The following MAGI2 variants were observed in gnomAD, a reference collection of about 807,000 sequenced individuals.
MAGI2 encodes the protein membrane-associated guanylate kinase, WW and PDZ domain-containing protein 2.
In MAGI2, 35 loss-of-function variants were observed where a neutral mutation model predicts 133.3. That is an observed-to-expected ratio of 0.26 (90% CI 0.20 to 0.35). The LOEUF is 0.35. MAGI2 is among the 10% of genes least tolerant of loss of function. The probability of loss-of-function intolerance (pLI) is 1.00; values close to 1 mark genes in which losing one functional copy is unlikely to be tolerated. For synonymous variants in MAGI2, 729 were observed against 710.6 expected, an observed-to-expected ratio of 1.03 and a Z score of -0.41; for missense variants, 1,636 against 1,863.4, an observed-to-expected ratio of 0.88 and a Z score of 2.25.
chr7:78,946,290 A>G (rs751081494), intron 2 of MAGI2, among the ~76,000 whole-genome samples: 2 of 152,168 alleles, frequency 1.3e-5, no homozygotes, highest in Admixed American at 6.6e-5. Context: ...CTTTCTTCCT[A>G]GATAGTTAAT....
rs369099551 is a variant in MAGI2, at chr7:78,104,506, G to T, written c.3567+21188C>A. On this transcript the variant is annotated intron_variant, in intron 20 of 21. Transcript: ENST00000354212. ...CAAAGTGCTGGGATTACAGGCATGA[G>T]CCACCGCGCCCAGCCCGGATTTTCT... Among the ~76,000 whole-genome samples, 429 of 152,022 alleles carry T rather than the reference G, an allele frequency of 2.8e-3. 2 individuals are homozygous for T. Among genetic ancestry groups the T allele is most frequent in the Middle Eastern group, 0.01 (3 of 294 alleles).
chr7:78,573,291 A>AATATAAATATATATAAAT (rs1801853976), intron 3 of MAGI2, among the ~76,000 whole-genome samples: 4 of 53,352 alleles, frequency 7.5e-5, no homozygotes, highest in Non-Finnish European at 1.2e-4. Flanking sequence ...TATTTATATA[A>AATATAAATATATATAAAT]ATATATATAT....
intron 1 of MAGI2, among the ~76,000 whole-genome samples, chr7:79,366,785 C>T (rs1456790839): frequency 6.6e-6 from 1 of 152,018 alleles, no homozygotes; most frequent in East Asian, 1.9e-4. Context: ...CTATTAGTGT[C>T]CTTTTCTGTC....
chr7:78,081,149 C>G (rs1005316255), intron 20 of MAGI2, among the ~76,000 whole-genome samples: 2 of 152,148 alleles, frequency 1.3e-5, no homozygotes, highest in South Asian at 2.1e-4. Context: ...GTGCCTTCCT[C>G]GACTCTATGC....
At chr7:79,186,191 A>AATATATATATAT (rs60719172) in intron 1 of MAGI2, among the ~76,000 whole-genome samples, 178 of 111,594 alleles carry the variant, frequency 1.6e-3, no homozygotes, top group Middle Eastern at 4.1e-3. Flanking sequence ...TGCCTGGGAA[A>AATATATATATAT]ATATATATAT....
chr7:78,341,767 C>T (rs1790402654), intron 9 of MAGI2, among the ~76,000 whole-genome samples: 1 of 152,148 alleles, frequency 6.6e-6, no homozygotes, highest in South Asian at 2.1e-4. Flanking sequence ...ACGCAGAAAA[C>T]TGAAACTGGA....
chr7:78,962,408 A>G (rs990509765), intron 2 of MAGI2, among the ~76,000 whole-genome samples: 3 of 151,948 alleles, frequency 2.0e-5, no homozygotes, highest in African/African-American at 7.2e-5. Context: ...TTTTACTTAA[A>G]TATAGTTGAA....
chr7:78,609,007 T>C (rs1806136478), intron 3 of MAGI2, among the ~76,000 whole-genome samples: 1 of 152,170 alleles, frequency 6.6e-6, no homozygotes, highest in South Asian at 2.1e-4. Flanking sequence ...ACTGAAGAAC[T>C]TGGAGTCCAA....
intron 6 of MAGI2, among the ~76,000 whole-genome samples, chr7:78,372,184 A>G (rs2151269979): frequency 1.3e-5 from 2 of 152,288 alleles, no homozygotes; most frequent in South Asian, 4.1e-4. Flanking sequence ...ATGCTAATGA[A>G]AAAACACAAC....
intron 2 of MAGI2, among the ~76,000 whole-genome samples, chr7:78,809,574 T>A (rs1212608253): frequency 1.3e-5 from 2 of 152,178 alleles, no homozygotes; most frequent in Non-Finnish European, 2.9e-5. Context: ...GTGAGCCATA[T>A]TTTCCAGTGT....
At chr7:78,100,483 T>G (rs1328182506) in intron 20 of MAGI2, among the ~76,000 whole-genome samples, 2 of 152,190 alleles carry the variant, frequency 1.3e-5, no homozygotes, top group Non-Finnish European at 2.9e-5. Flanking sequence ...CCCAAGTAGC[T>G]GGGACCACAG....
chr7:78,855,120 G>C (rs2151488001), intron 2 of MAGI2, among the ~76,000 whole-genome samples: 1 of 151,972 alleles, frequency 6.6e-6, no homozygotes, highest in Non-Finnish European at 1.5e-5. Flanking sequence ...TTTGTAACAA[G>C]GTCTGGTTCT....
At chr7:79,354,220 A>G (rs1841868874) in intron 1 of MAGI2, 2 of 152,214 alleles carry the variant, frequency 1.3e-5, no homozygotes, top group African/African-American at 2.4e-5. Context: ...GAAAGTAGCT[A>G]TAGGTGTCAG....
intron 11 of MAGI2, among the ~76,000 whole-genome samples, chr7:78,197,015 G>C (rs1436966537): frequency 6.6e-6 from 1 of 152,210 alleles, no homozygotes; most frequent in Non-Finnish European, 1.5e-5. Context: ...ATCACACTGG[G>C]GGGAATAACT....
intron 1 of MAGI2, among the ~76,000 whole-genome samples, chr7:79,073,376 TTC>T (rs1815173363): frequency 6.6e-6 from 1 of 152,174 alleles, no homozygotes; most frequent in African/African-American, 2.4e-5. Context: ...TGACCATACG[TTC>T]TGTTTTTTCA....
At chr7:79,072,955 A>G (rs1185538990) in intron 1 of MAGI2, among the ~76,000 whole-genome samples, 1 of 152,192 alleles carries the variant, frequency 6.6e-6, no homozygotes, top group Non-Finnish European at 1.5e-5. Context: ...TGATCCCTAA[A>G]TCACAGTAGC....
chr7:79,117,832 C>T lies in MAGI2; in HGVS notation c.302-110626G>A, dbSNP rs541900178. On this transcript the variant is annotated intron_variant, in intron 1 of 21. Coordinates refer to ENST00000354212, the MANE Select transcript of MAGI2 (RefSeq NM_012301.4). ...ACTATAATGTACAGAGAGTAGTTAG[C>T]GGGGTGTACACACATGACTGTAAAA... is the stretch of plus-strand genomic sequence containing the variant. Among the ~76,000 whole-genome samples, 9 of 152,264 alleles carry T rather than the reference C, an allele frequency of 5.9e-5. No homozygotes were observed. In the East Asian group the frequency reaches 9.7e-4, roughly 16 times the overall value.
chr7:78,567,208 T>C (rs1004112884), intron 3 of MAGI2, among the ~76,000 whole-genome samples: 1 of 152,216 alleles, frequency 6.6e-6, no homozygotes, highest in African/African-American at 2.4e-5. Flanking sequence ...GCTGTACTTT[T>C]CTTCTATTTC....
intron 9 of MAGI2, among the ~76,000 whole-genome samples, chr7:78,324,146 TACACTAC>T (rs1554344793): frequency 1.5e-5 from 2 of 132,616 alleles, no homozygotes; most frequent in Admixed American, 7.4e-5. Context: ...TACACTACAC[TACACTAC>T]ACACTACACT....
Sources: allele counts gnomAD v4.1 joint callset (sites outside exome capture counted in the v4.1 genomes callset), GRCh38; gene constraint gnomAD v4.1.1; transcripts MANE v1.5; gene names NCBI Gene and HGNC (gene_info 2026-07-23, HGNC 2026-07-21).